ANKS1B: variants seen among roughly 807,000 people sequenced by gnomAD.
ANKS1B encodes ankyrin repeat and sterile alpha motif domain-containing protein 1B.
Under a neutral mutation model 148.3 loss-of-function variants are expected in ANKS1B, and 36 were observed. The ratio of observed to expected loss-of-function variants is 0.24; its 90% CI spans 0.19 to 0.32. The LOEUF is 0.32. ANKS1B is among the 10% of genes least tolerant of loss of function. The pLI, the probability that ANKS1B is intolerant of heterozygous loss-of-function variation, is 1.00. For missense variants in ANKS1B, 1,157 were observed against 1,542.6 expected (o/e 0.75, Z 4.19); for synonymous variants, 542 against 560.8 (o/e 0.97, Z 0.47).
At chr12:99,711,054 ACTTC>A (rs373701846) in intron 8 of ANKS1B, among the ~76,000 whole-genome samples, 3 of 152,016 alleles carry the variant, frequency 2.0e-5, no homozygotes, top group Admixed American at 1.3e-4. Flanking sequence ...AATCTATCCA[ACTTC>A]CTTATTTCAC....
intron 17 of ANKS1B, among the ~76,000 whole-genome samples, chr12:98,853,120 C>G (rs1297295860): frequency 6.6e-6 from 1 of 152,192 alleles, no homozygotes; most frequent in African/African-American, 2.4e-5. Context: ...CTCTTTCCAA[C>G]TATGGTTCAG....
At chr12:99,539,036 C>G (rs1395714891) in intron 9 of ANKS1B, among the ~76,000 whole-genome samples, 2 of 151,982 alleles carry the variant, frequency 1.3e-5, no homozygotes, top group Admixed American at 6.6e-5. Context: ...TATGATATAT[C>G]ACATTGATTT....
chr12:99,126,029 A>C (rs535152618), intron 15 of ANKS1B, among the ~76,000 whole-genome samples: 2 of 152,060 alleles, frequency 1.3e-5, no homozygotes, highest in Admixed American at 6.6e-5. Flanking sequence ...AAAACACCAA[A>C]CCCCCAAAAC....
In ANKS1B at chr12:98,791,942, C is replaced by G. The variant is rs1012444286; in HGVS notation, c.3342+6992G>C. ...ATCTAATTTTAAGATCTAACTTTTT[C>G]AAAGTTTTCCAACCCATTCCCTCTA... On this transcript the variant is annotated intron_variant, in intron 22 of 26. Coordinates refer to ENST00000683438, the MANE Select transcript of ANKS1B (RefSeq NM_001352186.2). 2.0e-5 allele frequency among the ~76,000 whole-genome samples: 3 copies of G among 152,228 alleles called. 1 individual carries two copies. The East Asian group carries it at 5.8e-4, about 29-fold the overall frequency.
chr12:98,907,401 A>G (rs889782606), intron 17 of ANKS1B, among the ~76,000 whole-genome samples: 1 of 151,966 alleles, frequency 6.6e-6, no homozygotes, highest in Non-Finnish European at 1.5e-5. Flanking sequence ...CCTTCCTGGG[A>G]TGGGTTTTTG....
chr12:99,682,921 A>G (rs2098629558), intron 8 of ANKS1B, among the ~76,000 whole-genome samples: 1 of 152,134 alleles, frequency 6.6e-6, no homozygotes. Context: ...TGGGTAATTT[A>G]TTAAAAAATA....
chr12:99,509,736 G>C (rs535695684), intron 9 of ANKS1B, among the ~76,000 whole-genome samples: 1 of 152,120 alleles, frequency 6.6e-6, no homozygotes, highest in Admixed American at 6.6e-5. Context: ...GACAATTGAT[G>C]AAGGTGACTA....
chr12:99,762,139 T>C (rs1233298387), intron 8 of ANKS1B, among the ~76,000 whole-genome samples: 4 of 152,092 alleles, frequency 2.6e-5, no homozygotes, highest in Non-Finnish European at 5.9e-5. Context: ...AATCTACAGA[T>C]TGAATGTATT....
chr12:99,415,777 A>G (rs112959867), intron 11 of ANKS1B, among the ~76,000 whole-genome samples: 1,527 of 151,962 alleles, frequency 0.01, 24 homozygotes, highest in African/African-American at 0.035. Flanking sequence ...TCCGCCTCCC[A>G]GGTTCACGCC....
At chr12:99,194,100 A>G (rs1279597349) in intron 14 of ANKS1B, among the ~76,000 whole-genome samples, 1 of 151,998 alleles carries the variant, frequency 6.6e-6, no homozygotes, top group Non-Finnish European at 1.5e-5. Flanking sequence ...GCACCCAGCC[A>G]TATTTCAGGC....
At chr12:99,983,088 C>T (rs1034951450) in intron 1 of ANKS1B, among the ~76,000 whole-genome samples, 1 of 152,156 alleles carries the variant, frequency 6.6e-6, no homozygotes, top group Non-Finnish European at 1.5e-5. Context: ...ATTTTTACAA[C>T]TATAGTTGGG....
At chr12:99,255,794 CTTAAT>C (rs763851028) in intron 12 of ANKS1B, among the ~76,000 whole-genome samples, 6 of 152,006 alleles carry the variant, frequency 3.9e-5, no homozygotes, top group Non-Finnish European at 7.4e-5. Context: ...CTTAATTTAA[CTTAAT>C]TGAATTATTT....
intron 1 of ANKS1B, among the ~76,000 whole-genome samples, chr12:99,894,329 G>GAGAGAAAGAAAAGA (rs1196013915): frequency 2.6e-5 from 2 of 78,078 alleles, no homozygotes; most frequent in Non-Finnish European, 5.3e-5. Flanking sequence ...GGGAGGGAGG[G>GAGAGAAAGAAAAGA]AAAGAAAAGA....
intron 9 of ANKS1B, among the ~76,000 whole-genome samples, chr12:99,538,663 C>G (rs769488648): frequency 3.3e-5 from 5 of 151,964 alleles, no homozygotes; most frequent in Non-Finnish European, 5.9e-5. Context: ...TTAGGTTTTT[C>G]TAAAATCATA....
At chr12:99,666,621 A>G (rs2098508305) in intron 8 of ANKS1B, among the ~76,000 whole-genome samples, 1 of 152,124 alleles carries the variant, frequency 6.6e-6, no homozygotes, top group African/African-American at 2.4e-5. Context: ...CAGGTCTTGC[A>G]CATATCTTGT....
At chr12:98,812,206 T>G (rs1004268098) in intron 19 of ANKS1B, among the ~76,000 whole-genome samples, 1 of 152,186 alleles carries the variant, frequency 6.6e-6, no homozygotes, top group Non-Finnish European at 1.5e-5. Context: ...TACAATACCA[T>G]ATATTTACTG....
chr12:99,283,624 G>A (rs1056789026), intron 12 of ANKS1B, among the ~76,000 whole-genome samples: 2 of 152,140 alleles, frequency 1.3e-5, no homozygotes, highest in African/African-American at 4.8e-5. Context: ...TGCTATGGAA[G>A]AACTATCTGT....
chr12:99,472,481 A>G (rs1194677611), intron 10 of ANKS1B, among the ~76,000 whole-genome samples: 1 of 152,158 alleles, frequency 6.6e-6, no homozygotes, highest in Non-Finnish European at 1.5e-5. Flanking sequence ...GCAAGATACT[A>G]TATCAACTAA....
chr12:99,934,765 C>CA (rs1369678658), intron 1 of ANKS1B, among the ~76,000 whole-genome samples: 3 of 150,872 alleles, frequency 2.0e-5, no homozygotes, highest in Non-Finnish European at 4.4e-5. Flanking sequence ...GAGATTAATA[C>CA]AAAAAAGAAA....
Sources: allele counts gnomAD v4.1 joint callset (sites outside exome capture counted in the v4.1 genomes callset), GRCh38; gene constraint gnomAD v4.1.1; transcripts MANE v1.5; gene names NCBI Gene and HGNC (gene_info 2026-07-23, HGNC 2026-07-21).